NSUN3: variants seen among roughly 807,000 people sequenced by gnomAD.
The protein encoded by NSUN3 is NOP2/Sun RNA methyltransferase 3, also known as tRNA (cytosine(34)-C(5))-methyltransferase, mitochondrial.
NSUN3 carries 24 observed loss-of-function variants against 36.8 expected under a neutral mutation model. The ratio of observed to expected loss-of-function variants is 0.65; its 90% CI spans 0.47 to 0.92. The LOEUF is 0.92. Ranked by LOEUF, NSUN3 falls within the 40% of genes least tolerant of loss-of-function variation. The probability of loss-of-function intolerance (pLI) is 0.00; values close to 1 mark genes in which losing one functional copy is unlikely to be tolerated. For missense variants in NSUN3, 381 were observed against 392.8 expected (o/e 0.97, Z 0.25); for synonymous variants, 146 against 145.2 (o/e 1.01, Z -0.04).
intron 2 of NSUN3, among the ~76,000 whole-genome samples, chr3:94,074,825 G>A (rs1184132275): frequency 3.3e-5 from 5 of 152,154 alleles, no homozygotes; most frequent in African/African-American, 1.2e-4. Context: ...GCCCTGGCTA[G>A]AAATTCCAAT....
chr3:94,095,281 A>G (rs1306737942), intron 5 of NSUN3, 127 bp downstream of exon 5: 1 of 913,110 alleles, frequency 1.1e-6, no homozygotes, highest in Non-Finnish European at 1.6e-6. Flanking sequence ...TCCAAAGGCT[A>G]CACTCAAAAA....
At chr3:94,099,266 A>AC (rs2077355360) in intron 5 of NSUN3, among the ~76,000 whole-genome samples, 2 of 152,146 alleles carry the variant, frequency 1.3e-5, no homozygotes, top group African/African-American at 4.8e-5. Context: ...GCTTTTCTTA[A>AC]TATCGTATAG....
intron 2 of NSUN3, among the ~76,000 whole-genome samples, chr3:94,075,738 C>CA (rs1234584387): frequency 6.6e-6 from 1 of 151,996 alleles, no homozygotes; most frequent in Non-Finnish European, 1.5e-5. Flanking sequence ...AAGCCCCCCC[C>CA]CCCAATAATA....
At chr3:94,070,308 G>A (rs2077220144) in intron 2 of NSUN3, among the ~76,000 whole-genome samples, 1 of 151,978 alleles carries the variant, frequency 6.6e-6, no homozygotes, top group Non-Finnish European at 1.5e-5. Context: ...GAAAAAATAA[G>A]CAATTAGCTG....
At chr3:94,111,941 C>A (rs57068585) in intron 5 of NSUN3, among the ~76,000 whole-genome samples, 19 of 150,478 alleles carry the variant, frequency 1.3e-4, no homozygotes, top group Middle Eastern at 3.2e-3. Context: ...GTCTTTCTAT[C>A]GAGAGAGAGA....
chr3:94,088,514 T>C (rs1483420131), intron 3 of NSUN3, among the ~76,000 whole-genome samples: 2 of 152,098 alleles, frequency 1.3e-5, no homozygotes, highest in Non-Finnish European at 2.9e-5. Flanking sequence ...CAAGGAGAAG[T>C]ACCAAATTGC....
At chr3:94,105,263 A>G (rs1220088339) in intron 5 of NSUN3, among the ~76,000 whole-genome samples, 1 of 152,138 alleles carries the variant, frequency 6.6e-6, no homozygotes, top group East Asian at 1.9e-4. Context: ...TTTATGATCC[A>G]AAGGATTGAA....
Position 94,130,943 on chromosome 3 carries a change from A to T in NSUN3, c.*4453A>T, listed in dbSNP as rs2077506740. On this transcript the variant is annotated 3_prime_UTR_variant, in exon 6 of 6. Coordinates refer to ENST00000314622, the MANE Select transcript of NSUN3 (RefSeq NM_022072.5). ...AATCAAATGGAATTTAGTTCCTCCC[A>T]CTGTCCCCAACCCAGCTAGAGTGCA... Among the ~76,000 whole-genome samples the T allele has an allele frequency of 6.6e-6, 1 of 151,166 alleles. No individual in the cohort carries two copies. Among genetic ancestry groups the T allele is most frequent in the African/African-American group, 2.4e-5 (1 of 41,082 alleles).
At chr3:94,099,939 A>G (rs1305165960) in intron 5 of NSUN3, among the ~76,000 whole-genome samples, 1 of 152,162 alleles carries the variant, frequency 6.6e-6, no homozygotes, top group African/African-American at 2.4e-5. Flanking sequence ...CCTTTCGTTA[A>G]CAAAAGGCAA....
chr3:94,065,042 AAAT>A (rs2077198241), intron 2 of NSUN3, among the ~76,000 whole-genome samples: 1 of 151,750 alleles, frequency 6.6e-6, no homozygotes, highest in South Asian at 2.1e-4. Context: ...TTAAATATAA[AAAT>A]AAGGAATGTT....
rs567224176 is a variant in NSUN3 at position 94,083,760 on chromosome 3, A to G, written c.123-347A>G. On this transcript the variant is annotated intron_variant, in intron 2 of 5. Transcript: ENST00000314622. The stretch of plus-strand genomic sequence containing the variant: ...ATGGAAAGTTAGGGTTTTCCTTTCA[A>G]TTTAGTTCTCGGAAGTCAGTATGAA... 3.9e-5 allele frequency among the ~76,000 whole-genome samples: 6 copies of G among 152,210 alleles called. No homozygotes were observed. The East Asian group carries it at 7.7e-4, about 20-fold the overall frequency.
chr3:94,124,192 A>T (rs183978149), intron 5 of NSUN3, among the ~76,000 whole-genome samples: 1 of 116,758 alleles, frequency 8.6e-6, no homozygotes, highest in Non-Finnish European at 1.6e-5. Context: ...TCACTCTTTC[A>T]CCCAGGCTGG....
At chr3:94,064,579 G>T in intron 2 of NSUN3, 33 bp downstream of exon 2, 1 of 1,303,642 alleles carries the variant, frequency 7.7e-7, no homozygotes, top group South Asian at 1.2e-5. Flanking sequence ...CTTTATGATG[G>T]AACAAAGTAC....
chr3:94,088,777 A>G (rs751196316), intron 3 of NSUN3, among the ~76,000 whole-genome samples: 5 of 151,138 alleles, frequency 3.3e-5, no homozygotes, highest in Non-Finnish European at 2.9e-5. Context: ...GGTTCAAGCA[A>G]TTCTCATGCC....
rs1240768971 is a variant in NSUN3, at chr3:94,092,010, C to T, written c.467-2130C>T. ...GCTACCACTGCCACAAATTGAAGAG[C>T]CTCCCAATGAGTGCCAGGTGACAAG... On this transcript the variant is annotated intron_variant, in intron 3 of 5. Coordinates refer to ENST00000314622, the MANE Select transcript of NSUN3 (RefSeq NM_022072.5). 2.0e-5 allele frequency among the ~76,000 whole-genome samples: 3 copies of T among 152,340 alleles called. No homozygotes were observed. In the East Asian group the frequency reaches 5.8e-4, roughly 29 times the overall value.
chr3:94,074,193 G>C (rs2077237371), intron 2 of NSUN3, among the ~76,000 whole-genome samples: 2 of 152,118 alleles, frequency 1.3e-5, no homozygotes, highest in African/African-American at 4.8e-5. Flanking sequence ...ATGCCGTTTT[G>C]GTTACTGTAG....
chr3:94,090,404 T>G (rs1245695076), intron 3 of NSUN3, among the ~76,000 whole-genome samples: 1 of 152,178 alleles, frequency 6.6e-6, no homozygotes, highest in African/African-American at 2.4e-5. Flanking sequence ...AAATGCTGAC[T>G]TGAGAATCTT....
chr3:94,092,729 C>T (rs2077320648), intron 3 of NSUN3, among the ~76,000 whole-genome samples: 7 of 151,800 alleles, frequency 4.6e-5, no homozygotes, highest in Admixed American at 4.6e-4. Flanking sequence ...CATGGCGAAA[C>T]CCCGTCTCTA....
intron 5 of NSUN3, among the ~76,000 whole-genome samples, chr3:94,116,985 C>CT (rs60234250): frequency 0.015 from 956 of 64,044 alleles, 44 homozygotes; most frequent in African/African-American, 0.016. Context: ...TCTGCCACAA[C>CT]TTTTTTTTTT....
Sources: allele counts gnomAD v4.1 joint callset (sites outside exome capture counted in the v4.1 genomes callset), GRCh38; gene constraint gnomAD v4.1.1; transcripts MANE v1.5; gene names NCBI Gene and HGNC (gene_info 2026-07-23, HGNC 2026-07-21).